Variants in SLC41A2 observed in about 807,000 individuals in gnomAD.
SLC41A2 encodes SLC41A1-like 1.
Under a neutral mutation model 58.3 loss-of-function variants are expected in SLC41A2, and 32 were observed. That is an observed-to-expected ratio of 0.55 (90% CI 0.41 to 0.74). The LOEUF is 0.74. Ranked by LOEUF, SLC41A2 falls within the 30% of genes least tolerant of loss-of-function variation. The probability of loss-of-function intolerance (pLI) is 0.00; values close to 1 mark genes in which losing one functional copy is unlikely to be tolerated. For synonymous variants in SLC41A2, 190 were observed against 235.0 expected, an observed-to-expected ratio of 0.81 and a Z score of 1.75; for missense variants, 514 against 680.6, an observed-to-expected ratio of 0.76 and a Z score of 2.72.
At chr12:104,832,445 C>T (rs1180614658) in intron 10 of SLC41A2, among the ~76,000 whole-genome samples, 1 of 152,106 alleles carries the variant, frequency 6.6e-6, no homozygotes, top group Non-Finnish European at 1.5e-5. Flanking sequence ...ACTAGTGGAA[C>T]AAATGCCTAA....
At chr12:104,934,086 G>C (rs1345256073) in intron 1 of SLC41A2, among the ~76,000 whole-genome samples, 1 of 151,762 alleles carries the variant, frequency 6.6e-6, no homozygotes, top group Non-Finnish European at 1.5e-5. Flanking sequence ...AATTGTTTAA[G>C]TTTTATGGTC....
At chr12:104,816,950 C>A (rs2041433185) in intron 10 of SLC41A2, among the ~76,000 whole-genome samples, 2 of 152,156 alleles carry the variant, frequency 1.3e-5, no homozygotes, top group Admixed American at 1.3e-4. Context: ...TTCCCATATA[C>A]AATTATGCTT....
intron 8 of SLC41A2, 82 bp downstream of exon 8, chr12:104,861,209 G>A: frequency 1.0e-6 from 1 of 985,348 alleles, no homozygotes; most frequent in South Asian, 1.7e-5. Flanking sequence ...TTGAATCTGA[G>A]CCCTAAGACT....
intron 8 of SLC41A2, 148 bp downstream of exon 8, chr12:104,861,143 T>C (rs540741838): frequency 3.2e-4 from 160 of 492,874 alleles, no homozygotes; most frequent in Non-Finnish European, 5.2e-4. Flanking sequence ...TAATTTTCAC[T>C]GTGAGCAACA....
chr12:104,859,389 C>T (rs1249066288), intron 8 of SLC41A2, among the ~76,000 whole-genome samples: 1 of 152,178 alleles, frequency 6.6e-6, no homozygotes, highest in African/African-American at 2.4e-5. Context: ...TACTTTATTA[C>T]TTGAATGATG....
chr12:104,899,335 T>C (rs1015314532), intron 3 of SLC41A2, among the ~76,000 whole-genome samples: 1 of 152,212 alleles, frequency 6.6e-6, no homozygotes, highest in Non-Finnish European at 1.5e-5. Flanking sequence ...TCAATCACAC[T>C]TTTCAGTTTC....
At chr12:104,899,837 T>C (rs935574545) in intron 3 of SLC41A2, among the ~76,000 whole-genome samples, 1 of 152,162 alleles carries the variant, frequency 6.6e-6, no homozygotes, top group African/African-American at 2.4e-5. Flanking sequence ...ACCAGTGTAT[T>C]TGCTTTTCAA....
At chr12:104,952,837 A>G (rs2048006354) in intron 1 of SLC41A2, among the ~76,000 whole-genome samples, 1 of 152,190 alleles carries the variant, frequency 6.6e-6, no homozygotes, top group Non-Finnish European at 1.5e-5. Flanking sequence ...CTTTTTGCTC[A>G]AAACACTTCT....
intron 6 of SLC41A2, among the ~76,000 whole-genome samples, chr12:104,876,354 T>C (rs2044040964): frequency 6.6e-6 from 1 of 152,144 alleles, no homozygotes; most frequent in Non-Finnish European, 1.5e-5. Context: ...TTAGCTTGTT[T>C]ATTGGAGATC....
intron 6 of SLC41A2, among the ~76,000 whole-genome samples, chr12:104,880,477 T>C (rs1006110345): frequency 1.3e-5 from 2 of 152,194 alleles, no homozygotes; most frequent in African/African-American, 4.8e-5. Context: ...CTTACTATTT[T>C]GAGATATGTC....
chr12:104,912,158 C>T (rs1005529619), intron 2 of SLC41A2, among the ~76,000 whole-genome samples: 8 of 152,126 alleles, frequency 5.3e-5, no homozygotes, highest in African/African-American at 1.9e-4. Context: ...ATGACACTTG[C>T]TGTGATACTG....
At chr12:104,922,919 T>C (rs1383811756) in intron 2 of SLC41A2, among the ~76,000 whole-genome samples, 1 of 152,096 alleles carries the variant, frequency 6.6e-6, no homozygotes, top group Admixed American at 6.6e-5. Flanking sequence ...CACATGCTCC[T>C]GAGTGACCAA....
rs543013654 is a variant in SLC41A2 at position 104,838,476 on chromosome 12, T to A, written c.1536+5996A>T. Among the ~76,000 whole-genome samples the A allele has an allele frequency of 3.9e-5, 6 of 152,312 alleles. No homozygotes were observed. In the South Asian group the frequency reaches 1.2e-3, roughly 32 times the overall value. On this transcript the variant is annotated intron_variant, in intron 10 of 10. Coordinates refer to ENST00000258538, the MANE Select transcript of SLC41A2 (RefSeq NM_001352171.3). The stretch of plus-strand genomic sequence containing the variant: ...AGATGGTGCAATTTGCATGTATGCA[T>A]AAAATTCAAAAACAAGTATTGCCTA...
Position 104,928,503 on chromosome 12 carries a change from T to C in SLC41A2, c.25A>G (p.Ile9Val). The C allele has an allele frequency of 6.6e-7, 1 of 1,519,194 alleles. No homozygotes were observed. The highest frequency in any genetic ancestry group is 8.8e-7 in the Non-Finnish European group (1 of 1,132,602). The allele number at this position is 1,519,194 out of a possible 1,614,324, so 94.1% of individuals were successfully genotyped here. ...GGACCACCACTTGTTTTATCGGTAA[T>C]AGATCTTCCTTTACTATTAGTCATA... is the stretch of plus-strand genomic sequence containing the variant. MTNSKGRS[I>V]TDKTSGGPSS... Residue 9 changes from isoleucine to valine, a missense_variant, in exon 2 of 11, where the codon ATT (isoleucine) becomes GTT (valine). Ile to Val is a conservative substitution (Grantham distance 29). This residue lies in a region of SLC41A2 where 336 missense variants were observed against 430.0 expected (regional missense o/e 0.78). Coordinates refer to ENST00000258538, the MANE Select transcript of SLC41A2 (RefSeq NM_001352171.3).
chr12:104,845,801 T>C (rs771883946), intron 9 of SLC41A2, 42 bp downstream of exon 9: 5 of 1,569,564 alleles, frequency 3.2e-6, no homozygotes, highest in Non-Finnish European at 2.6e-6. Context: ...TAGAGAGCAA[T>C]AGCCCTTGAT....
At chr12:104,880,879 C>T (rs1284243473) in intron 6 of SLC41A2, among the ~76,000 whole-genome samples, 1 of 152,130 alleles carries the variant, frequency 6.6e-6, no homozygotes, top group Non-Finnish European at 1.5e-5. Context: ...GGAATAGTTT[C>T]AGAAGGAATG....
At chr12:104,955,217 T>A (rs1021957069) in intron 1 of SLC41A2, among the ~76,000 whole-genome samples, 1 of 152,024 alleles carries the variant, frequency 6.6e-6, no homozygotes, top group Non-Finnish European at 1.5e-5. Context: ...GGTTTCACCA[T>A]GTTGGCCAGT....
intron 10 of SLC41A2, among the ~76,000 whole-genome samples, chr12:104,824,292 C>G (rs925762171): frequency 2.0e-5 from 3 of 151,576 alleles, no homozygotes; most frequent in African/African-American, 7.3e-5. Flanking sequence ...AGCTGGACAT[C>G]GAGAGGAGCA....
At chr12:104,864,082 A>C (rs2043321353) in intron 7 of SLC41A2, among the ~76,000 whole-genome samples, 1 of 151,292 alleles carries the variant, frequency 6.6e-6, no homozygotes, top group African/African-American at 2.4e-5. Flanking sequence ...ACCCCCTTGG[A>C]TCCTGGTCTA....
Sources: gnomAD v4.1 joint callset for allele counts (sites outside exome capture counted in the v4.1 genomes callset) on GRCh38, gnomAD v4.1.1 for gene constraint, gnomAD v4.1.1 regional missense constraint, MANE v1.5 for transcripts, NCBI Gene and HGNC (gene_info 2026-07-23, HGNC 2026-07-21) for gene names.